The following ZBTB33 variants were observed in gnomAD, a reference collection of about 807,000 sequenced individuals.
The protein encoded by ZBTB33 is transcriptional regulator Kaiso.
A neutral mutation model predicts 25.9 loss-of-function variants in ZBTB33; 11 were observed. The ratio of observed to expected loss-of-function variants is 0.42; its 90% CI spans 0.27 to 0.70. ZBTB33 has a LOEUF of 0.70. ZBTB33 is among the 30% of genes least tolerant of loss of function. ZBTB33 has a pLI of 0.23. For missense variants in ZBTB33, 343 were observed against 501.1 expected (o/e 0.68, Z 3.01); for synonymous variants, 157 against 184.8 (o/e 0.85, Z 1.22).
At position 120,254,825 on chromosome X, in the gene ZBTB33, G is replaced by C. The variant is rs143194661; in HGVS notation, c.1410G>C (p.Glu470Asp). The change falls in exon 3 of 3, where the codon GAG (glutamate) becomes GAC (aspartate). Residue 470 changes from glutamate to aspartate, a missense_variant. Coordinates refer to ENST00000557385, the MANE Select transcript of ZBTB33 (RefSeq NM_001184742.2). ...ENEIPKTSGSEMANKRMKVKH... is the reference protein window; with the variant it reads ...ENEIPKTSGSDMANKRMKVKH... ...AAATACCAAAAACGTCTGGCAGCGA[G>C]ATGGCAAACAAACGTATGAAAGTAA... 2 of 1,212,018 alleles carry C rather than the reference G, an allele frequency of 1.7e-6. No homozygotes were observed. The highest frequency in any genetic ancestry group is 2.3e-4 in the Middle Eastern group (1 of 4,356).
Position 120,256,661 on chromosome X carries a change from C to T in ZBTB33, c.*1227C>T, listed in dbSNP as rs2057639920. 1 of 122,942 alleles carries T rather than the reference C, an allele frequency of 8.1e-6. No individual in the cohort carries two copies. Among genetic ancestry groups the T allele is most frequent in the African/African-American group, 3.3e-5 (1 of 30,757 alleles). 10.1% of individuals were successfully genotyped at this position (122,942 alleles called of 1,213,427 possible). On this transcript the variant is annotated 3_prime_UTR_variant, in exon 3 of 3. Coordinates refer to ENST00000557385, the MANE Select transcript of ZBTB33 (RefSeq NM_001184742.2). Reference sequence around the variant, plus strand: ...CTTTTAAAAATGACACATATTTAAACACTTAGAAAATAAAGTTAACACTTA... The same window carrying T: ...CTTTTAAAAATGACACATATTTAAATACTTAGAAAATAAAGTTAACACTTA...
At position 120,255,662 on chromosome X, in the gene ZBTB33, C is replaced by G. The variant is rs2057633696; in HGVS notation, c.*228C>G. On this transcript the variant is annotated 3_prime_UTR_variant, in exon 3 of 3. Transcript: ENST00000557385. ...CTGTTTATATAGTTAGTTTTCAGCT[C>G]ATTTAAAAGAGGCAAAAATTAAAAG... is the stretch of plus-strand genomic sequence containing the variant. 2.9e-6 allele frequency: 1 copy of G among 346,341 alleles called. No homozygotes were observed. Among genetic ancestry groups the G allele is most frequent in the Admixed American group, 5.3e-5 (1 of 18,712 alleles). The allele number at this position is 346,341 out of a possible 1,213,427, so 28.5% of individuals were successfully genotyped here.
intron 2 of ZBTB33, 125 bp from the exon 3 acceptor site, chrX:120,253,289 A>G: frequency 1.4e-6 from 1 of 737,257 alleles, no homozygotes; most frequent in Non-Finnish European, 1.9e-6. Flanking sequence ...AAGCCAAAAA[A>G]TTATGCTGAA....
rs1246509387 is a variant in ZBTB33, at chrX:120,253,614, G to A, written c.199G>A (p.Val67Ile). The A allele has an allele frequency of 8.3e-7, 1 of 1,210,860 alleles. No homozygotes were observed. The highest frequency in any genetic ancestry group is 1.1e-6 in the Non-Finnish European group (1 of 895,445). ...TCAGCTCTTCTCTGTTGCTGGGCAA[G>A]TTGTTGAACTGAGCTTTATAAGAGC... ...FHQLFSVAGQ[V>I]VELSFIRAEI... The change falls in exon 3 of 3, where the codon GTT (valine) becomes ATT (isoleucine). Residue 67 changes from valine (V) to isoleucine (I), a missense_variant. This residue lies in a region of ZBTB33 where 39 missense variants were observed against 91.1 expected (regional missense o/e 0.43). Coordinates refer to ENST00000557385, the MANE Select transcript of ZBTB33 (RefSeq NM_001184742.2).
chrX:120,256,167 TAGG>T lies in ZBTB33; in HGVS notation c.*739_*741del, dbSNP rs782519453. On this transcript the variant is annotated 3_prime_UTR_variant, in exon 3 of 3. Transcript: ENST00000557385. ...TGAAAACAATCTCTGTAATGGCAGA[TAGG>T]AGGAGATGAAAAGTTCTGTTGCATG... 7 of 123,241 alleles carry T rather than the reference TAGG, an allele frequency of 5.7e-5. No homozygotes were observed. Among genetic ancestry groups the T allele is most frequent in the Non-Finnish European group, 1.1e-4 (6 of 53,158 alleles). 10.2% of individuals were successfully genotyped at this position (123,241 alleles called of 1,213,427 possible).
At chrX:120,253,087 G>C (rs1465834024) in intron 2 of ZBTB33, among the ~76,000 whole-genome samples, 1 of 111,650 alleles carries the variant, frequency 9.0e-6, no homozygotes, top group Non-Finnish European at 1.9e-5. Flanking sequence ...ACCCAAAATT[G>C]GGACTAAGAA....
At position 120,253,859 on chromosome X, in the gene ZBTB33, A is replaced by T; in HGVS notation, c.444A>T (p.Val148=). The change falls in exon 3 of 3, where the codon GTA becomes GTT. Residue 148 remains valine (V), a synonymous_variant. Transcript: ENST00000557385. ...CTGATTCTGGTGACAAGAACCTTGT[A>T]ATACAGAAATCAAAAGATGAAGCCC... is the stretch of plus-strand genomic sequence containing the variant. ...LPPDSGDKNL[V]IQKSKDEAQD... 8.3e-7 allele frequency: 1 copy of T among 1,211,566 alleles called. No homozygotes were observed. Among genetic ancestry groups the T allele is most frequent in the Non-Finnish European group, 1.1e-6 (1 of 895,438 alleles).
rs782385396 is a variant in ZBTB33, at chrX:120,255,218, C to T, written c.1803C>T (p.Ser601=). The change falls in exon 3 of 3, where the codon TCC becomes TCT. Residue 601 remains serine, a synonymous_variant. Transcript: ENST00000557385. ...SLQIRQYAYL[S]DRSSTIPAMK... ...AAATCAGACAATATGCATATCTTTC[C>T]GATAGATCAAGCACTATTCCTGCAA... 3.2e-5 allele frequency: 39 copies of T among 1,209,795 alleles called. No homozygotes were observed. In the South Asian group the frequency reaches 5.6e-4, roughly 17 times the overall value.
chrX:120,255,263 G>A lies in ZBTB33; in HGVS notation c.1848G>A (p.Gly616=), dbSNP rs2057630640. ...CTGCAATGAAGGATGATGGTATTGGGTATAAGGTTGACACTGGAAAAGAAC... is the reference window on the plus strand; with the variant it reads ...CTGCAATGAAGGATGATGGTATTGGATATAAGGTTGACACTGGAAAAGAAC... ...TIPAMKDDGI[G]YKVDTGKEPP... Residue 616 remains glycine (G), a synonymous_variant, in exon 3 of 3, where the codon GGG becomes GGA. Coordinates refer to ENST00000557385, the MANE Select transcript of ZBTB33 (RefSeq NM_001184742.2). 8.3e-7 allele frequency: 1 copy of A among 1,210,079 alleles called. No homozygotes were observed. Among genetic ancestry groups the A allele is most frequent in the South Asian group, 1.8e-5 (1 of 56,839 alleles).
At position 120,255,478 on chromosome X, in the gene ZBTB33, A is replaced by G. The variant is rs782691586; in HGVS notation, c.*44A>G. 3.9e-6 allele frequency: 4 copies of G among 1,030,195 alleles called. No individual in the cohort carries two copies. In the African/African-American group the frequency reaches 5.7e-5, roughly 15 times the overall value. 84.9% of individuals were successfully genotyped at this position (1,030,195 alleles called of 1,213,427 possible). On this transcript the variant is annotated 3_prime_UTR_variant, in exon 3 of 3. Transcript: ENST00000557385. ...AAAGTTTTGTTTTGGATGATGGGGC[A>G]GGGGTTTCAGAAGATCTGTAAAACA...
intron 2 of ZBTB33, among the ~76,000 whole-genome samples, chrX:120,253,098 A>T (rs924933492): frequency 4.5e-5 from 5 of 111,680 alleles, no homozygotes; most frequent in South Asian, 7.5e-4. Context: ...GGACTAAGAA[A>T]ATTAATTCTA....
Position 120,253,974 on chromosome X carries a change from G to A in ZBTB33, c.559G>A (p.Asp187Asn). ...TGAAATGAAAAAGATCATTGTTACC[G>A]ATTCTGATGATGATGATGATGATGT... ...DYEMKKIIVTDSDDDDDDVIF... is the reference protein window; with the variant it reads ...DYEMKKIIVTNSDDDDDDVIF... The change falls in exon 3 of 3, where the codon GAT becomes AAT. Residue 187 changes from aspartate to asparagine, a missense_variant. Physicochemically the swap from Asp to Asn is conservative, Grantham distance 23 (BLOSUM62 1). Coordinates refer to ENST00000557385, the MANE Select transcript of ZBTB33 (RefSeq NM_001184742.2). 1.8e-6 allele frequency: 2 copies of A among 1,138,544 alleles called. No individual in the cohort carries two copies. Among genetic ancestry groups the A allele is most frequent in the Non-Finnish European group, 2.4e-6 (2 of 850,279 alleles). The allele number at this position is 1,138,544 out of a possible 1,213,427, so 93.8% of individuals were successfully genotyped here. A position where few individuals can be genotyped will look rare whatever the true frequency, so the allele number is the denominator to read the frequency against.
At chrX:120,252,008 A>G (rs2057603930) in intron 1 of ZBTB33, among the ~76,000 whole-genome samples, 1 of 112,860 alleles carries the variant, frequency 8.9e-6, no homozygotes, top group African/African-American at 3.2e-5. Context: ...CAAACTGTCC[A>G]AAGGTCACCC....
intron 1 of ZBTB33, among the ~76,000 whole-genome samples, chrX:120,251,397 A>C (rs2057598738): frequency 1.9e-5 from 2 of 104,192 alleles, no homozygotes; most frequent in African/African-American, 3.5e-5. Context: ...GCTTCGCTTC[A>C]TCCCCCCCCC....
At chrX:120,251,451 C>T (rs2057599657) in intron 1 of ZBTB33, among the ~76,000 whole-genome samples, 1 of 109,651 alleles carries the variant, frequency 9.1e-6, no homozygotes, top group Admixed American at 9.6e-5. Context: ...TTCCCTGGTA[C>T]CCCATATTCC....
intron 1 of ZBTB33, among the ~76,000 whole-genome samples, chrX:120,251,417 C>T (rs2095220117): frequency 9.1e-6 from 1 of 110,239 alleles, no homozygotes; most frequent in Admixed American, 9.5e-5. Context: ...CAACACCCCA[C>T]CCTGCCGTTC....
intron 2 of ZBTB33, 40 bp downstream of exon 2, chrX:120,252,810 C>T (rs1398106132): frequency 9.0e-6 from 1 of 111,444 alleles, no homozygotes; most frequent in Non-Finnish European, 1.9e-5. Flanking sequence ...ATGAGGCACC[C>T]CAATTTAAAT....
intron 2 of ZBTB33, among the ~76,000 whole-genome samples, 195 bp from the exon 3 acceptor site, chrX:120,253,219 A>C (rs1399179349): frequency 8.9e-6 from 1 of 112,373 alleles, no homozygotes; most frequent in African/African-American, 3.2e-5. Context: ...TCAACTCAGG[A>C]GCAAGCCATG....
chrX:120,252,808 C>T (rs2057608703), intron 2 of ZBTB33, 38 bp downstream of exon 2: 1 of 111,656 alleles, frequency 9.0e-6, no homozygotes, highest in Non-Finnish European at 1.9e-5. Flanking sequence ...AGATGAGGCA[C>T]CCCAATTTAA....
Sources: gnomAD v4.1 joint callset for allele counts (sites outside exome capture counted in the v4.1 genomes callset) on GRCh38, gnomAD v4.1.1 for gene constraint, gnomAD v4.1.1 regional missense constraint, MANE v1.5 for transcripts, NCBI Gene and HGNC (gene_info 2026-07-23, HGNC 2026-07-21) for gene names.